Variants in ZNF318 observed in about 807,000 individuals in gnomAD.
The protein encoded by ZNF318 is endocrine regulator.
ZNF318 carries 51 observed loss-of-function variants against 124.2 expected under a neutral mutation model. The observed-to-expected ratio is 0.41, with a 90% CI of 0.33 to 0.52. The LOEUF (loss-of-function observed/expected upper bound fraction) is 0.52, where lower values mean the gene tolerates loss of function less well. ZNF318 is among the 20% of genes least tolerant of loss of function. The pLI is 0.23. For synonymous variants in ZNF318, 1,090 were observed against 1,040.7 expected (o/e 1.05, Z -0.91); for missense variants, 2,815 against 2,811.2 (o/e 1.00, Z -0.03).
In ZNF318 at chr6:43,355,737, C is replaced by T; in HGVS notation, c.1597G>A (p.Asp533Asn). Residue 533 changes from aspartate to asparagine, a missense_variant, in exon 4 of 10, where the codon GAT becomes AAT. Around this residue, in one of 4 missense-constraint regions of ZNF318, gnomAD observed 1,377 missense variants for 1,353.5 expected, o/e 1.02. Transcript: ENST00000361428. ...TCCCCATAGAGAAATTTCTCCTCAT[C>T]TTCAATGTCGGGAAAGCTACGTCGC... Reference protein sequence around the residue: ...KRRRSFPDIEDEEKFLYGDEE... With the variant: ...KRRRSFPDIENEEKFLYGDEE... The T allele has an allele frequency of 6.2e-7, 1 of 1,614,202 alleles. No homozygotes were observed. The highest frequency in any genetic ancestry group is 1.6e-4 in the Middle Eastern group (1 of 6,062).
rs1448025827 is a variant in ZNF318 at position 43,354,814 on chromosome 6, A to T, written c.2520T>A (p.Thr840=). ...RSRPNLRVIP[T]VTPDKPKQKE... The stretch of plus-strand genomic sequence containing the variant: ...TCTGCTTAGGCTTATCAGGAGTCAC[A>T]GTGGGGATCACACGAAGATTGGGAC... Residue 840 remains threonine, a synonymous_variant, in exon 4 of 10, where the codon ACT becomes ACA. Coordinates refer to ENST00000361428, the MANE Select transcript of ZNF318 (RefSeq NM_014345.3). 6.2e-7 allele frequency: 1 copy of T among 1,614,106 alleles called. No homozygotes were observed.
chr6:43,360,367 TGAG>T (rs1221294076), intron 2 of ZNF318, among the ~76,000 whole-genome samples: 2 of 152,176 alleles, frequency 1.3e-5, no homozygotes, highest in African/African-American at 2.4e-5. Context: ...CAAAAGGATA[TGAG>T]AAGAGAACTG....
At chr6:43,364,171 C>T (rs1220167279) in intron 2 of ZNF318, 8 of 951,800 alleles carry the variant, frequency 8.4e-6, no homozygotes, top group Admixed American at 2.1e-5. Flanking sequence ...ACCTGACCCC[C>T]GACCTCTGGA....
In ZNF318 at chr6:43,339,604, G is replaced by C; in HGVS notation, c.4394C>G (p.Ser1465Cys). 5.6e-6 allele frequency: 9 copies of C among 1,606,538 alleles called. No individual in the cohort carries two copies. Among genetic ancestry groups the C allele is most frequent in the Non-Finnish European group, 6.8e-6 (8 of 1,176,674 alleles). Residue 1465 changes from serine (S) to cysteine (C), a missense_variant, in exon 10 of 10, where the codon TCT (serine) becomes TGT (cysteine). By Grantham distance (112) the Ser-to-Cys change is moderately radical. This residue lies in a region of ZNF318 where 500 missense variants were observed against 605.2 expected (regional missense o/e 0.83). Coordinates refer to ENST00000361428, the MANE Select transcript of ZNF318 (RefSeq NM_014345.3). The surrounding 1 kb of genome is among the most constrained non-coding windows in gnomAD (Gnocchi z 4.2). ...PPVIPHPAAPSAAQANAILAP... is the reference protein window; with the variant it reads ...PPVIPHPAAPCAAQANAILAP... ...CAAGATAGCATTTGCTTGAGCAGCA[G>C]ACGGGGCAGCTGGATGAGGTATAAC...
chr6:43,349,611 A>G (rs1339725341), intron 5 of ZNF318, among the ~76,000 whole-genome samples: 1 of 152,102 alleles, frequency 6.6e-6, no homozygotes, highest in Non-Finnish European at 1.5e-5. Flanking sequence ...TCTCATCCCT[A>G]AACAGTCCAA....
At chr6:43,357,924 G>C (rs1292418331) in intron 2 of ZNF318, among the ~76,000 whole-genome samples, 159 bp from the exon 3 acceptor site, 2 of 152,164 alleles carry the variant, frequency 1.3e-5, no homozygotes, top group Admixed American at 6.5e-5. Flanking sequence ...TTCCCCAGGG[G>C]AACAAGCAGC....
chr6:43,337,835 T>A lies in ZNF318; in HGVS notation c.6163A>T (p.Asn2055Tyr), dbSNP rs754758457. 6.2e-7 allele frequency: 1 copy of A among 1,614,188 alleles called. No individual in the cohort carries two copies. Among genetic ancestry groups the A allele is most frequent in the South Asian group, 1.1e-5 (1 of 91,076 alleles). Residue 2055 changes from asparagine (N) to tyrosine (Y), a missense_variant, in exon 10 of 10, where the codon AAT becomes TAT. By Grantham distance (143) the Asn-to-Tyr change is moderately radical. This residue lies in a region of ZNF318 where 927 missense variants were observed against 820.6 expected (regional missense o/e 1.13). Coordinates refer to ENST00000361428, the MANE Select transcript of ZNF318 (RefSeq NM_014345.3). ...TCGAAGTCAGCGGGATCGGAGGAAT[T>A]ACACCCTATAGGTGATACAGAATTT... Reference protein sequence around the residue: ...EENSVSPIGCNSSDPADFEPI... With the variant: ...EENSVSPIGCYSSDPADFEPI...
chr6:43,366,915 G>C (rs988199792), intron 1 of ZNF318, among the ~76,000 whole-genome samples: 1 of 151,742 alleles, frequency 6.6e-6, no homozygotes, highest in Non-Finnish European at 1.5e-5. Flanking sequence ...GCAGTGGCAC[G>C]ATCTCGGCTC....
At chr6:43,357,001 G>C in intron 3 of ZNF318, 125 bp downstream of exon 3, 1 of 1,160,660 alleles carries the variant, frequency 8.6e-7, no homozygotes, top group South Asian at 1.6e-5. Flanking sequence ...AGAAGGTGTA[G>C]CTCACAATGT....
chr6:43,365,469 T>C (rs892664269), intron 1 of ZNF318, 29 bp from the exon 2 acceptor site: 82 of 1,602,890 alleles, frequency 5.1e-5, no homozygotes, highest in Non-Finnish European at 6.7e-5. Context: ...ATATGGTTAG[T>C]CAATAGGGTC....
At chr6:43,342,357 A>C in intron 7 of ZNF318, 146 bp from the exon 8 acceptor site, 1 of 621,620 alleles carries the variant, frequency 1.6e-6, no homozygotes, top group Non-Finnish European at 2.7e-6. Context: ...GTTTTAATGG[A>C]AATCACCTGT....
At chr6:43,352,895 C>G (rs1405113086) in intron 4 of ZNF318, among the ~76,000 whole-genome samples, 1 of 152,220 alleles carries the variant, frequency 6.6e-6, no homozygotes, top group African/African-American at 2.4e-5. Flanking sequence ...TTAATCCTCA[C>G]ATTTTCACTA....
intron 6 of ZNF318, among the ~76,000 whole-genome samples, chr6:43,347,481 G>A (rs921835290): frequency 1.3e-5 from 2 of 152,194 alleles, no homozygotes; most frequent in Admixed American, 1.3e-4. Context: ...AGGGAAAGCA[G>A]AGCACTGAGA....
chr6:43,350,548 C>T (rs1414161830), intron 5 of ZNF318, among the ~76,000 whole-genome samples: 4 of 152,038 alleles, frequency 2.6e-5, no homozygotes. Context: ...TATTTGATAA[C>T]CATCACAGGC....
At position 43,354,807 on chromosome 6, in the gene ZNF318, G is replaced by C; in HGVS notation, c.2527C>G (p.Pro843Ala). The change falls in exon 4 of 10, where the codon CCT becomes GCT. Residue 843 changes from proline (P) to alanine (A), a missense_variant. By Grantham distance (27) the Pro-to-Ala change is conservative (BLOSUM62 -1). This residue lies in a region of ZNF318 where 1,377 missense variants were observed against 1,353.5 expected (regional missense o/e 1.02). Transcript: ENST00000361428. ...PNLRVIPTVT[P>A]DKPKQKESLR... ...GACTCTTTCTGCTTAGGCTTATCAG[G>C]AGTCACAGTGGGGATCACACGAAGA... 6.2e-7 allele frequency: 1 copy of C among 1,614,204 alleles called. No homozygotes were observed. The highest frequency in any genetic ancestry group is 8.5e-7 in the Non-Finnish European group (1 of 1,180,038).
Position 43,357,647 on chromosome 6 carries a change from C to A in ZNF318, c.667G>T (p.Asp223Tyr), listed in dbSNP as rs757934135. ...AGGAAAGTTTCTTTTGTTCGGTAGTCCTCATCAAGTTGTCCCAAGAAGGGA... is the reference window on the plus strand; with the variant it reads ...AGGAAAGTTTCTTTTGTTCGGTAGTACTCATCAAGTTGTCCCAAGAAGGGA... ...LSPFLGQLDE[D>Y]YRTKETFLHR... Residue 223 changes from aspartate to tyrosine, a missense_variant, in exon 3 of 10, where the codon GAC becomes TAC. Physicochemically the swap from Asp to Tyr is radical, Grantham distance 160 (BLOSUM62 -3). This residue lies in a region of ZNF318 where 1,377 missense variants were observed against 1,353.5 expected (regional missense o/e 1.02). Coordinates refer to ENST00000361428, the MANE Select transcript of ZNF318 (RefSeq NM_014345.3). 1.2e-6 allele frequency: 2 copies of A among 1,613,768 alleles called. No individual in the cohort carries two copies. Among genetic ancestry groups the A allele is most frequent in the African/African-American group, 1.3e-5 (1 of 74,864 alleles).
At chr6:43,365,619 C>G (rs1779750804) in intron 1 of ZNF318, among the ~76,000 whole-genome samples, 179 bp from the exon 2 acceptor site, 1 of 152,144 alleles carries the variant, frequency 6.6e-6, no homozygotes, top group African/African-American at 2.4e-5. Flanking sequence ...CTGGGCAACA[C>G]AGACTCCATC....
At chr6:43,358,431 T>TTTC (rs1554195651) in intron 2 of ZNF318, among the ~76,000 whole-genome samples, 3 of 150,936 alleles carry the variant, frequency 2.0e-5, no homozygotes, top group African/African-American at 7.3e-5. Flanking sequence ...TTTTTTTTTT[T>TTTC]TTCTGATTTT....
At chr6:43,343,165 T>C (rs1158164836) in intron 6 of ZNF318, among the ~76,000 whole-genome samples, 1 of 152,172 alleles carries the variant, frequency 6.6e-6, no homozygotes. Flanking sequence ...TGTGGAAACA[T>C]TGGCTGCCTC....
Sources: gnomAD v4.1 joint callset for allele counts (sites outside exome capture counted in the v4.1 genomes callset) on GRCh38, gnomAD v4.1.1 for gene constraint, gnomAD v4.1.1 regional missense constraint, Gnocchi (gnomAD v3.1) non-coding constraint, MANE v1.5 for transcripts, NCBI Gene and HGNC (gene_info 2026-07-23, HGNC 2026-07-21) for gene names.